EYA4: variants seen among roughly 807,000 people sequenced by gnomAD.
EYA4 encodes the protein protein phosphatase EYA4.
EYA4 carries 31 observed loss-of-function variants against 87.9 expected under a neutral mutation model. The ratio of observed to expected loss-of-function variants is 0.35; its 90% CI spans 0.27 to 0.48. The LOEUF (loss-of-function observed/expected upper bound fraction) is 0.48. Among genes scored for constraint, EYA4 ranks in the 20% least tolerant of loss-of-function variants. The probability of loss-of-function intolerance (pLI) is 0.99; values close to 1 mark genes in which losing one functional copy is unlikely to be tolerated. For synonymous variants in EYA4, 263 were observed against 270.6 expected (o/e 0.97, Z 0.28); for missense variants, 678 against 761.4 (o/e 0.89, Z 1.29).
chr6:133,525,081 G>T, intron 18 of EYA4, 73 bp from the exon 19 acceptor site: 1 of 1,613,622 alleles, frequency 6.2e-7, no homozygotes, highest in Non-Finnish European at 8.5e-7. Flanking sequence ...GTTGTGATTG[G>T]AGATGGCCGA....
chr6:133,444,789 C>A (rs1211247789), intron 3 of EYA4, among the ~76,000 whole-genome samples: 4 of 152,174 alleles, frequency 2.6e-5, no homozygotes, highest in Non-Finnish European at 4.4e-5. Context: ...GGAATGAGTT[C>A]TTCAGGATGT....
chr6:133,299,591 G>A (rs1284085468), intron 2 of EYA4, among the ~76,000 whole-genome samples: 2 of 151,182 alleles, frequency 1.3e-5, no homozygotes, highest in East Asian at 3.9e-4. Context: ...GGGCGCCTGT[G>A]GTCCCAGCTA....
At chr6:133,507,811 T>G (rs903729707) in intron 14 of EYA4, among the ~76,000 whole-genome samples, 4 of 152,196 alleles carry the variant, frequency 2.6e-5, no homozygotes, top group Non-Finnish European at 4.4e-5. Flanking sequence ...GTCTTTGCTA[T>G]TGAACATTGC....
At chr6:133,291,502 T>C (rs1028489322) in intron 2 of EYA4, among the ~76,000 whole-genome samples, 2 of 152,210 alleles carry the variant, frequency 1.3e-5, no homozygotes, top group Admixed American at 1.3e-4. Flanking sequence ...TATATATTGC[T>C]TAACTACATA....
chr6:133,381,075 CTTTTTTTTTTTT>C (rs5880181), intron 2 of EYA4, among the ~76,000 whole-genome samples: 1 of 96,820 alleles, frequency 1.0e-5, no homozygotes, highest in African/African-American at 3.9e-5. Context: ...TTTTTTTTTT[CTTTTTTTTTTTT>C]TTTTTTGCCC....
intron 1 of EYA4, among the ~76,000 whole-genome samples, chr6:133,257,889 CTATT>C (rs3836961): frequency 0.14 from 21,681 of 152,090 alleles, 1,960 homozygotes; most frequent in Non-Finnish European, 0.2. Flanking sequence ...GCACTATTGA[CTATT>C]TATGCACTCA....
At chr6:133,442,980 A>G (rs1311470520) in intron 3 of EYA4, among the ~76,000 whole-genome samples, 1 of 152,054 alleles carries the variant, frequency 6.6e-6, no homozygotes, top group Non-Finnish European at 1.5e-5. Context: ...CATAAAGCGC[A>G]CTTGGTCATG....
At chr6:133,380,565 T>C (rs965234356) in intron 2 of EYA4, among the ~76,000 whole-genome samples, 27 of 152,172 alleles carry the variant, frequency 1.8e-4, no homozygotes, top group African/African-American at 6.3e-4. Flanking sequence ...GTCATCATGG[T>C]CTTGAGGAAA....
intron 3 of EYA4, among the ~76,000 whole-genome samples, chr6:133,414,988 T>G (rs1320321112): frequency 6.6e-6 from 1 of 152,148 alleles, no homozygotes; most frequent in Non-Finnish European, 1.5e-5. Context: ...TGCCATATTT[T>G]TTATGTACAT....
At chr6:133,446,066 C>G (rs1792804857) in intron 3 of EYA4, among the ~76,000 whole-genome samples, 2 of 152,122 alleles carry the variant, frequency 1.3e-5, no homozygotes, top group Non-Finnish European at 2.9e-5. Context: ...ACAAGGTCAG[C>G]TGGAAGCTTC....
chr6:133,349,563 C>T (rs996288444), intron 2 of EYA4, among the ~76,000 whole-genome samples: 2 of 152,160 alleles, frequency 1.3e-5, no homozygotes, highest in East Asian at 1.9e-4. Flanking sequence ...TAGTTTTGGT[C>T]TCTTATTCTG....
chr6:133,509,367 T>C (rs1375537395), intron 14 of EYA4, among the ~76,000 whole-genome samples: 3 of 151,250 alleles, frequency 2.0e-5, no homozygotes, highest in African/African-American at 7.3e-5. Context: ...TCATTGTTGA[T>C]GTTGAATATT....
intron 19 of EYA4, chr6:133,526,065 G>A: frequency 3.9e-6 from 1 of 257,882 alleles, no homozygotes; most frequent in South Asian, 1.5e-4. Flanking sequence ...AGAAACCAAG[G>A]CAATTAAAAA....
At chr6:133,300,054 A>AT (rs1183268834) in intron 2 of EYA4, among the ~76,000 whole-genome samples, 1 of 152,006 alleles carries the variant, frequency 6.6e-6, no homozygotes, top group African/African-American at 2.4e-5. Context: ...TCGTTAACAC[A>AT]TTTTTTGGTG....
chr6:133,513,607 G>T (rs1340903948), intron 16 of EYA4, among the ~76,000 whole-genome samples: 3 of 152,028 alleles, frequency 2.0e-5, no homozygotes, highest in Admixed American at 2.0e-4. Flanking sequence ...TAATCTGTAG[G>T]TAATATCAAA....
chr6:133,415,534 A>G (rs1389620282), intron 3 of EYA4, among the ~76,000 whole-genome samples: 4 of 152,108 alleles, frequency 2.6e-5, no homozygotes, highest in East Asian at 1.9e-4. Flanking sequence ...TCCCTCTGGT[A>G]TCTGCATGAA....
chr6:133,491,807 C>G (rs1797182097), intron 13 of EYA4, among the ~76,000 whole-genome samples: 1 of 151,830 alleles, frequency 6.6e-6, no homozygotes, highest in Admixed American at 6.6e-5. Flanking sequence ...AAAAAATTAG[C>G]CAGGCATGGT....
intron 2 of EYA4, among the ~76,000 whole-genome samples, chr6:133,354,798 A>G (rs1167617020): frequency 6.6e-6 from 1 of 152,226 alleles, no homozygotes; most frequent in Non-Finnish European, 1.5e-5. Context: ...AAATGTGGAA[A>G]ACTTTATTTC....
intron 2 of EYA4, among the ~76,000 whole-genome samples, chr6:133,281,529 G>C (rs185622844): frequency 3.7e-4 from 57 of 152,202 alleles, no homozygotes; most frequent in Non-Finnish European, 4.1e-4. Flanking sequence ...TTTCTTATAT[G>C]AATTTTACAG....
Sources: allele counts gnomAD v4.1 joint callset (sites outside exome capture counted in the v4.1 genomes callset), GRCh38; gene constraint gnomAD v4.1.1; transcripts MANE v1.5; gene names NCBI Gene and HGNC (gene_info 2026-07-23, HGNC 2026-07-21).